RABGAP1L: variants seen among roughly 807,000 people sequenced by gnomAD.
RABGAP1L encodes RAB GTPase activating protein 1 like.
Under a neutral mutation model 137.7 loss-of-function variants are expected in RABGAP1L, and 63 were observed. The ratio of observed to expected loss-of-function variants is 0.46; its 90% CI spans 0.37 to 0.56. The LOEUF is 0.56. RABGAP1L is among the 20% of genes least tolerant of loss of function. RABGAP1L has a pLI of 0.00. For synonymous variants in RABGAP1L, 431 were observed against 433.7 expected (o/e 0.99, Z 0.08); for missense variants, 1,095 against 1,244.0 (o/e 0.88, Z 1.80).
intron 13 of RABGAP1L, among the ~76,000 whole-genome samples, chr1:174,555,093 C>G (rs904537689): frequency 1.3e-5 from 2 of 152,098 alleles, no homozygotes; most frequent in Admixed American, 6.5e-5. Flanking sequence ...AGCAAGCATA[C>G]TTTCACAATT....
intron 13 of RABGAP1L, among the ~76,000 whole-genome samples, chr1:174,565,884 ATTTT>A (rs776033808): frequency 7.5e-6 from 1 of 132,752 alleles, no homozygotes; most frequent in Non-Finnish European, 1.6e-5. Flanking sequence ...AATCCTTTAC[ATTTT>A]TTTTTTTTTT....
At chr1:174,405,667 A>G (rs1412781507) in intron 13 of RABGAP1L, among the ~76,000 whole-genome samples, 4 of 152,164 alleles carry the variant, frequency 2.6e-5, no homozygotes, top group East Asian at 1.9e-4. Context: ...TAGGTACTGG[A>G]AAGTCTTTAT....
At chr1:174,208,973 C>T (rs1318649359) in intron 1 of RABGAP1L, among the ~76,000 whole-genome samples, 1 of 152,132 alleles carries the variant, frequency 6.6e-6, no homozygotes, top group African/African-American at 2.4e-5. Flanking sequence ...CACAGGGGAC[C>T]AGTTTCATGG....
At chr1:174,419,603 G>A (rs184113985) in intron 13 of RABGAP1L, among the ~76,000 whole-genome samples, 2 of 152,104 alleles carry the variant, frequency 1.3e-5, no homozygotes, top group Non-Finnish European at 2.9e-5. Context: ...ATTGTAAAAA[G>A]ATGGACACAT....
At chr1:174,703,270 T>G (rs1324090391) in intron 17 of RABGAP1L, among the ~76,000 whole-genome samples, 2 of 152,176 alleles carry the variant, frequency 1.3e-5, no homozygotes, top group African/African-American at 2.4e-5. Flanking sequence ...TACCCCCCTC[T>G]CACTGTCCCA....
chr1:174,584,164 T>G (rs1668943271), intron 13 of RABGAP1L, among the ~76,000 whole-genome samples: 6 of 152,184 alleles, frequency 3.9e-5, no homozygotes, highest in Admixed American at 3.9e-4. Context: ...ACTGCTTAAA[T>G]GGAGAACTCT....
At position 174,448,839 on chromosome 1, in the gene RABGAP1L, G is replaced by A. The variant is rs376869009; in HGVS notation, c.1710+54694G>A. The A allele has an allele frequency of 1.4e-5, 23 of 1,613,934 alleles. No homozygotes were observed. The highest frequency in any genetic ancestry group is 4.0e-5 in the African/African-American group (3 of 74,912). On this transcript the variant is annotated intron_variant, in intron 13 of 25. Transcript: ENST00000681986. The surrounding 1 kb of genome is among the most constrained non-coding windows in gnomAD (Gnocchi z 4.2). ...AAAGAGATAAATGACCGAAGAGCCC[G>A]ATTCCCTAGTCATGAGGTAGATTCT... is the stretch of plus-strand genomic sequence containing the variant.
At chr1:174,259,847 T>C (rs1273018570) in intron 7 of RABGAP1L, among the ~76,000 whole-genome samples, 1 of 151,858 alleles carries the variant, frequency 6.6e-6, no homozygotes, top group Non-Finnish European at 1.5e-5. Flanking sequence ...ATTTTTTTTT[T>C]TTTTTGAGAC....
At chr1:174,417,170 C>T (rs909761872) in intron 13 of RABGAP1L, among the ~76,000 whole-genome samples, 1 of 152,134 alleles carries the variant, frequency 6.6e-6, no homozygotes, top group Non-Finnish European at 1.5e-5. Context: ...ACTTATTCTT[C>T]TTATATCCTT....
At chr1:174,424,379 G>A (rs957626336) in intron 13 of RABGAP1L, among the ~76,000 whole-genome samples, 12 of 152,036 alleles carry the variant, frequency 7.9e-5, no homozygotes, top group Admixed American at 5.9e-4. Flanking sequence ...TTAGTGAAAT[G>A]CAGACTTTTA....
intron 19 of RABGAP1L, among the ~76,000 whole-genome samples, chr1:174,822,989 C>A (rs757013303): frequency 6.6e-6 from 1 of 152,198 alleles, no homozygotes; most frequent in African/African-American, 2.4e-5. Flanking sequence ...ATTTGGGCAA[C>A]TCTTTTCTTA....
intron 13 of RABGAP1L, among the ~76,000 whole-genome samples, chr1:174,526,816 A>G (rs1663913681): frequency 6.6e-6 from 1 of 151,668 alleles, no homozygotes; most frequent in Admixed American, 6.6e-5. Flanking sequence ...TTTAGTATCT[A>G]TTTTGTTTAG....
At chr1:174,710,850 A>G (rs1680432685) in intron 17 of RABGAP1L, among the ~76,000 whole-genome samples, 2 of 152,238 alleles carry the variant, frequency 1.3e-5, no homozygotes, top group South Asian at 4.1e-4. Context: ...TAGGCTAAAT[A>G]CCCCAATTAA....
chr1:174,488,761 T>C (rs1659922973), intron 13 of RABGAP1L, among the ~76,000 whole-genome samples: 1 of 152,144 alleles, frequency 6.6e-6, no homozygotes. Context: ...TAGTTTGTCT[T>C]TTTTGTCTAT....
At chr1:174,718,024 G>T (rs751722706) in intron 17 of RABGAP1L, among the ~76,000 whole-genome samples, 10 of 152,206 alleles carry the variant, frequency 6.6e-5, no homozygotes, top group Admixed American at 2.0e-4. Context: ...CTCCTCAACA[G>T]TAACACCTGA....
At chr1:174,262,147 G>A (rs72713506) in intron 7 of RABGAP1L, among the ~76,000 whole-genome samples, 17,123 of 152,096 alleles carry the variant, frequency 0.11, 1,303 homozygotes, top group Non-Finnish European at 0.17. Context: ...GAAAGCTATT[G>A]GCATTTTCAG....
At chr1:174,864,471 A>G (rs1024863330) in intron 19 of RABGAP1L, among the ~76,000 whole-genome samples, 6 of 152,238 alleles carry the variant, frequency 3.9e-5, no homozygotes, top group Non-Finnish European at 8.8e-5. Flanking sequence ...ACTTACAGTT[A>G]CTGCAGAAGG....
At chr1:174,467,207 A>G (rs576077931) in intron 13 of RABGAP1L, among the ~76,000 whole-genome samples, 7 of 152,326 alleles carry the variant, frequency 4.6e-5, no homozygotes, top group African/African-American at 1.4e-4. Context: ...CTTATATGCC[A>G]TCTGTCTAGA....
rs1335638409 is a variant in RABGAP1L at position 174,238,246 on chromosome 1, C to T, written c.543-3237C>T. Among the ~76,000 whole-genome samples the T allele has an allele frequency of 3.9e-5, 6 of 152,166 alleles. No individual in the cohort carries two copies. The East Asian group carries it at 9.6e-4, about 24-fold the overall frequency. ...CTCCCGTAGCTCAGAGTAATTTGATCGTCTGAAGCCTTCTTCTCTCAGCTC... is the reference window on the plus strand; with the variant it reads ...CTCCCGTAGCTCAGAGTAATTTGATTGTCTGAAGCCTTCTTCTCTCAGCTC... On this transcript the variant is annotated intron_variant, in intron 4 of 25. Coordinates refer to ENST00000681986, the MANE Select transcript of RABGAP1L (RefSeq NM_001366446.1).
Sources: allele counts gnomAD v4.1 joint callset (sites outside exome capture counted in the v4.1 genomes callset), GRCh38; gene constraint gnomAD v4.1.1; non-coding constraint Gnocchi (gnomAD v3.1); transcripts MANE v1.5; gene names NCBI Gene and HGNC (gene_info 2026-07-23, HGNC 2026-07-21).